Variants in EXOC4 observed in about 807,000 individuals in gnomAD.
EXOC4 encodes SEC8-like 1.
A neutral mutation model predicts 107.2 loss-of-function variants in EXOC4; 71 were observed. The ratio of observed to expected loss-of-function variants is 0.66; its 90% CI spans 0.55 to 0.81. The LOEUF (loss-of-function observed/expected upper bound fraction) is 0.81. Among genes scored for constraint, EXOC4 ranks in the 30% least tolerant of loss-of-function variants. The pLI is 0.00. For missense variants in EXOC4, 1,108 were observed against 1,189.6 expected (o/e 0.93, Z 1.01); for synonymous variants, 456 against 441.2 (o/e 1.03, Z -0.42).
At chr7:133,721,384 TTAA>T (rs1349253215) in intron 10 of EXOC4, among the ~76,000 whole-genome samples, 1 of 152,074 alleles carries the variant, frequency 6.6e-6, no homozygotes, top group East Asian at 1.9e-4. Flanking sequence ...ATTGGAACCA[TTAA>T]TAAGATAGAG....
intron 5 of EXOC4, among the ~76,000 whole-genome samples, chr7:133,340,660 CT>C (rs1015489801): frequency 4.0e-5 from 6 of 151,406 alleles, no homozygotes; most frequent in East Asian, 1.9e-4. Context: ...TAGTCCTGGA[CT>C]TTTTTTTGTT....
At chr7:133,552,488 A>G (rs1800609900) in intron 9 of EXOC4, among the ~76,000 whole-genome samples, 1 of 152,198 alleles carries the variant, frequency 6.6e-6, no homozygotes, top group Admixed American at 6.5e-5. Flanking sequence ...AGAGAAATTG[A>G]GCCATAATTA....
the EXOC4 span, among the ~76,000 whole-genome samples, chr7:134,090,907 G>T: frequency 6.6e-6 from 1 of 151,946 alleles, no homozygotes; most frequent in Middle Eastern, 3.4e-3. Context: ...AACCCACTCT[G>T]TCTTAGGAGA....
At chr7:133,499,727 C>G (rs532806217) in intron 9 of EXOC4, among the ~76,000 whole-genome samples, 20 of 152,226 alleles carry the variant, frequency 1.3e-4, no homozygotes, top group African/African-American at 3.9e-4. Flanking sequence ...GCACCATCCC[C>G]TCTGTGCTGC....
rs569523500 is a variant in EXOC4 at position 133,672,259 on chromosome 7, C to T, written c.1514+42118C>T. Among the ~76,000 whole-genome samples the T allele has an allele frequency of 3.6e-3, 541 of 151,760 alleles. 2 individuals are homozygous for T. Among genetic ancestry groups the T allele is most frequent in the Non-Finnish European group, 6.0e-3 (409 of 67,918 alleles). On this transcript the variant is annotated intron_variant, in intron 10 of 17. Coordinates refer to ENST00000253861, the MANE Select transcript of EXOC4 (RefSeq NM_021807.4). ...ACAAAAAATTAGCCGGGCGTGGTGGCGGGCACCTGTAGTCCCAGCTACTCG... is the reference window on the plus strand; with the variant it reads ...ACAAAAAATTAGCCGGGCGTGGTGGTGGGCACCTGTAGTCCCAGCTACTCG...
At chr7:133,673,479 C>T (rs1793990914) in intron 10 of EXOC4, among the ~76,000 whole-genome samples, 1 of 152,122 alleles carries the variant, frequency 6.6e-6, no homozygotes, top group Admixed American at 6.6e-5. Context: ...ATTCATTGTT[C>T]CGGTGTATGC....
intron 11 of EXOC4, among the ~76,000 whole-genome samples, chr7:133,850,319 C>T (rs576886807): frequency 1.3e-5 from 2 of 152,230 alleles, no homozygotes; most frequent in South Asian, 4.2e-4. Context: ...TACCATTTCC[C>T]AAAATATATT....
chr7:133,294,876 C>T (rs558357096), intron 3 of EXOC4, among the ~76,000 whole-genome samples: 5 of 152,010 alleles, frequency 3.3e-5, no homozygotes, highest in African/African-American at 4.8e-5. Flanking sequence ...TGGGTTAGGT[C>T]GTCTGATGCT....
intron 11 of EXOC4, among the ~76,000 whole-genome samples, chr7:133,848,500 A>C (rs552444493): frequency 6.6e-6 from 1 of 152,232 alleles, no homozygotes; most frequent in Non-Finnish European, 1.5e-5. Flanking sequence ...TAAAAGGACA[A>C]CTGTGGAAGG....
chr7:133,402,792 C>A (rs1298973751), intron 7 of EXOC4, among the ~76,000 whole-genome samples: 2 of 149,642 alleles, frequency 1.3e-5, no homozygotes, highest in Non-Finnish European at 3.0e-5. Flanking sequence ...GCATGAGCCA[C>A]CATGCCCGGT....
intron 9 of EXOC4, among the ~76,000 whole-genome samples, chr7:133,541,753 T>C (rs1167511366): frequency 6.6e-6 from 1 of 152,086 alleles, no homozygotes; most frequent in Non-Finnish European, 1.5e-5. Context: ...TATATTTGCA[T>C]ATTAAAGGAA....
chr7:133,816,100 T>C (rs893819476), intron 10 of EXOC4, among the ~76,000 whole-genome samples: 3 of 152,196 alleles, frequency 2.0e-5, no homozygotes, highest in Non-Finnish European at 4.4e-5. Context: ...CTAATCATGA[T>C]GAACACACAT....
chr7:134,062,180 C>A (rs1796076803), intron 17 of EXOC4, among the ~76,000 whole-genome samples: 1 of 152,182 alleles, frequency 6.6e-6, no homozygotes, highest in African/African-American at 2.4e-5. Flanking sequence ...CATTAACTTA[C>A]CAATCTACAA....
intron 7 of EXOC4, 170 bp downstream of exon 7, chr7:133,375,172 A>G (rs539490594): frequency 7.9e-5 from 49 of 616,610 alleles, no homozygotes; most frequent in Non-Finnish European, 1.2e-4. Context: ...AACTTCTACT[A>G]TCTTCAAAAA....
At chr7:133,254,619 A>G (rs1228668816) in intron 1 of EXOC4, among the ~76,000 whole-genome samples, 3 of 152,212 alleles carry the variant, frequency 2.0e-5, no homozygotes, top group Non-Finnish European at 4.4e-5. Flanking sequence ...CGTATTACAT[A>G]TTGAATAATA....
At chr7:133,939,349 C>A (rs1225937548) in intron 14 of EXOC4, among the ~76,000 whole-genome samples, 7 of 152,014 alleles carry the variant, frequency 4.6e-5, no homozygotes, top group Admixed American at 4.6e-4. Context: ...TCTAAGGAAC[C>A]CCTTGAGTGC....
chr7:133,663,648 C>T lies in EXOC4; in HGVS notation c.1514+33507C>T, dbSNP rs111575549. ...CCAGGAGTATCCCTTTTCTCACACA[C>T]CTTAGAAGCAACCCATCAGCATGTC... On this transcript the variant is annotated intron_variant, in intron 10 of 17. Coordinates refer to ENST00000253861, the MANE Select transcript of EXOC4 (RefSeq NM_021807.4). Among the ~76,000 whole-genome samples the T allele has an allele frequency of 2.4e-3, 367 of 152,246 alleles. 1 individual carries two copies. Among genetic ancestry groups the T allele is most frequent in the South Asian group, 0.013 (62 of 4,828 alleles).
chr7:133,717,631 A>G (rs898385461), intron 10 of EXOC4, among the ~76,000 whole-genome samples: 21 of 152,234 alleles, frequency 1.4e-4, no homozygotes, highest in Admixed American at 1.4e-3. Flanking sequence ...ATATGTAAAT[A>G]ATGAGTAGAT....
At chr7:133,581,895 G>T (rs1353617342) in intron 9 of EXOC4, among the ~76,000 whole-genome samples, 1 of 152,084 alleles carries the variant, frequency 6.6e-6, no homozygotes. Context: ...AAAGGGCGAA[G>T]AAGGCACGTC....
Sources: allele counts gnomAD v4.1 joint callset (sites outside exome capture counted in the v4.1 genomes callset), GRCh38; gene constraint gnomAD v4.1.1; transcripts MANE v1.5; gene names NCBI Gene and HGNC (gene_info 2026-07-23, HGNC 2026-07-21).